Variants in SARNP observed in about 807,000 individuals in gnomAD.
SARNP encodes SAP domain-containing ribonucleoprotein.
SARNP carries 5 observed loss-of-function variants against 38.1 expected under a neutral mutation model. That is an observed-to-expected ratio of 0.13 (90% CI 0.07 to 0.28). The LOEUF (loss-of-function observed/expected upper bound fraction) is 0.28, where lower values mean the gene tolerates loss of function less well. SARNP is among the 10% of genes least tolerant of loss of function. The pLI, the probability that SARNP is intolerant of heterozygous loss-of-function variation, is 1.00. For synonymous variants in SARNP, 84 were observed against 80.6 expected, an observed-to-expected ratio of 1.04 and a Z score of -0.23; for missense variants, 180 against 243.9, an observed-to-expected ratio of 0.74 and a Z score of 1.75.
At chr12:55,759,355 T>C (rs1878605297) in intron 10 of SARNP, among the ~76,000 whole-genome samples, 1 of 152,002 alleles carries the variant, frequency 6.6e-6, no homozygotes. Context: ...TCCTAGATGA[T>C]GAAACCTGAG....
chr12:55,774,559 G>A (rs12311289), intron 9 of SARNP, among the ~76,000 whole-genome samples: 5,743 of 85,498 alleles, frequency 0.067, 660 homozygotes, highest in African/African-American at 0.23. Context: ...CGTCTCTACT[G>A]AAAAAAAAAA....
intron 9 of SARNP, among the ~76,000 whole-genome samples, chr12:55,781,371 T>C (rs1879334698): frequency 6.6e-6 from 1 of 151,540 alleles, no homozygotes; most frequent in African/African-American, 2.4e-5. Flanking sequence ...CCATCTCTAC[T>C]AAAAATACAA....
intron 1 of SARNP, among the ~76,000 whole-genome samples, chr12:55,816,955 T>C (rs1420144406): frequency 3.3e-5 from 5 of 151,944 alleles, no homozygotes; most frequent in African/African-American, 4.8e-5. Context: ...TTTTCCCAAA[T>C]ATTGCAGGTG....
intron 1 of SARNP, among the ~76,000 whole-genome samples, chr12:55,806,511 G>A (rs141749430): frequency 0.016 from 2,363 of 152,144 alleles, 29 homozygotes; most frequent in Non-Finnish European, 0.023. Flanking sequence ...CTGACCTCAA[G>A]TGATCCACCT....
chr12:55,800,525 C>T (rs1261602038), intron 4 of SARNP, 37 bp downstream of exon 4: 1 of 1,345,252 alleles, frequency 7.4e-7, no homozygotes, highest in Admixed American at 2.0e-5. Context: ...AAAGAGCTGC[C>T]TGCTCTGTAC....
At chr12:55,788,775 G>A (rs1879580544) in intron 9 of SARNP, among the ~76,000 whole-genome samples, 2 of 152,108 alleles carry the variant, frequency 1.3e-5, no homozygotes, top group Non-Finnish European at 1.5e-5. Flanking sequence ...ACTCCAGCCT[G>A]GGCAACAGAA....
chr12:55,760,157 C>T (rs1476673319), intron 10 of SARNP, among the ~76,000 whole-genome samples: 4 of 152,040 alleles, frequency 2.6e-5, no homozygotes, highest in African/African-American at 9.7e-5. Context: ...GCCACTTCAC[C>T]CAGAAAAAAA....
chr12:55,809,069 G>A (rs1204085640), intron 1 of SARNP, among the ~76,000 whole-genome samples: 2 of 152,048 alleles, frequency 1.3e-5, no homozygotes, highest in Non-Finnish European at 2.9e-5. Flanking sequence ...AGCCAGGCAT[G>A]GTGGCATGTG....
At chr12:55,794,464 A>G (rs1247066633) in intron 6 of SARNP, 77 bp from the exon 7 acceptor site, 1 of 1,227,788 alleles carries the variant, frequency 8.1e-7, no homozygotes, top group East Asian at 2.3e-5. Context: ...TCAAGTATAC[A>G]TATGACACTT....
intron 9 of SARNP, among the ~76,000 whole-genome samples, chr12:55,769,691 C>T (rs777453905): frequency 6.6e-6 from 1 of 152,222 alleles, no homozygotes; most frequent in Non-Finnish European, 1.5e-5. Context: ...AACTTTACAA[C>T]GGCGAACGAT....
chr12:55,765,800 C>T (rs1282927544), intron 9 of SARNP, among the ~76,000 whole-genome samples: 1 of 152,100 alleles, frequency 6.6e-6, no homozygotes, highest in East Asian at 1.9e-4. Flanking sequence ...CCCCACCCAG[C>T]ACCCCTCAGC....
chr12:55,776,485 C>T lies in SARNP; in HGVS notation c.501+12590G>A, dbSNP rs1725358. On this transcript the variant is annotated intron_variant, in intron 9 of 10. Coordinates refer to ENST00000336133, the MANE Select transcript of SARNP (RefSeq NM_033082.4). The stretch of plus-strand genomic sequence containing the variant: ...CATATAAACTATGCTCATCCGCCTA[C>T]ATACTTTAAATCATCTCTAGAGTAC... Among the ~76,000 whole-genome samples the T allele has an allele frequency of 6.8e-3, 1,029 of 152,328 alleles. 15 individuals are homozygous for T. Among genetic ancestry groups the T allele is most frequent in the African/African-American group, 0.024 (979 of 41,566 alleles).
At chr12:55,784,895 G>A (rs1016601826) in intron 9 of SARNP, among the ~76,000 whole-genome samples, 1 of 152,166 alleles carries the variant, frequency 6.6e-6, no homozygotes, top group African/African-American at 2.4e-5. Context: ...TATACTCACA[G>A]AGCACATCTC....
At chr12:55,752,948 C>G (rs1037601008), downstream of SARNP, 4 of 152,196 alleles carry the variant, frequency 2.6e-5, no homozygotes, top group African/African-American at 4.8e-5. Context: ...TGAAGAGGAT[C>G]TGAGACAGGA....
chr12:55,774,575 C>CAAAAAAAAAAAAAAAAAAAA (rs1187594580), intron 9 of SARNP, among the ~76,000 whole-genome samples: 1 of 41,216 alleles, frequency 2.4e-5, no homozygotes, highest in Admixed American at 3.5e-4. Flanking sequence ...AAAAAAAAAA[C>CAAAAAAAAAAAAAAAAAAAA]AAACAAAAAA....
Position 55,794,312 on chromosome 12 carries a change from GA to G in SARNP, c.406+46del, listed in dbSNP as rs751103388. 20 of 1,519,316 alleles carry G rather than the reference GA, an allele frequency of 1.3e-5. No individual in the cohort carries two copies. In the Middle Eastern group the frequency reaches 5.1e-4, roughly 39 times the overall value. The allele number at this position is 1,519,316 out of a possible 1,614,324, so 94.1% of individuals were successfully genotyped here. ...AAATAAAACCTGTTATACCAGAAAA[GA>G]AAGAATAAAAAGGTAACTTTCTCAG... is the stretch of plus-strand genomic sequence containing the variant. On this transcript the variant is annotated intron_variant, in intron 7 of 10. Coordinates refer to ENST00000336133, the MANE Select transcript of SARNP (RefSeq NM_033082.4).
chr12:55,795,893 G>C (rs370508537), intron 5 of SARNP, 132 bp downstream of exon 5: 16 of 631,940 alleles, frequency 2.5e-5, no homozygotes, highest in Non-Finnish European at 3.8e-5. Context: ...GCAGTGAAAC[G>C]TATCAACACC....
intron 9 of SARNP, among the ~76,000 whole-genome samples, chr12:55,766,159 C>T (rs924798437): frequency 6.6e-6 from 1 of 152,150 alleles, no homozygotes; most frequent in Non-Finnish European, 1.5e-5. Flanking sequence ...CATTTGAAAA[C>T]CTTTCCCTTC....
In SARNP at chr12:55,772,967, G is replaced by A. The variant is rs149972369; in HGVS notation, c.502-12327C>T. ...CAATCTCAGGTGATCTGCCCGCCTC[G>A]GCCTCCCAAAGTGCTGGGATTACAG... On this transcript the variant is annotated intron_variant, in intron 9 of 10. Coordinates refer to ENST00000336133, the MANE Select transcript of SARNP (RefSeq NM_033082.4). 6.9e-3 allele frequency among the ~76,000 whole-genome samples: 1,053 copies of A among 152,096 alleles called. 15 individuals carry two copies. Among genetic ancestry groups the A allele is most frequent in the African/African-American group, 0.024 (1,000 of 41,496 alleles).
Sources: gnomAD v4.1 joint callset for allele counts (sites outside exome capture counted in the v4.1 genomes callset) on GRCh38, gnomAD v4.1.1 for gene constraint, MANE v1.5 for transcripts, NCBI Gene and HGNC (gene_info 2026-07-23, HGNC 2026-07-21) for gene names.